NF1: variants seen among roughly 807,000 people sequenced by gnomAD.
NF1 encodes the protein neurofibromin 1, also known as neurofibromin.
A neutral mutation model predicts 325.7 loss-of-function variants in NF1; 122 were observed. The ratio of observed to expected loss-of-function variants is 0.37; its 90% CI spans 0.32 to 0.44. The LOEUF is 0.44. NF1 is among the 20% of genes least tolerant of loss of function. The probability of loss-of-function intolerance (pLI) is 1.00; values close to 1 mark genes in which losing one functional copy is unlikely to be tolerated. For missense variants in NF1, 2,140 were observed against 3,415.4 expected (o/e 0.63, Z 9.31); for synonymous variants, 1,091 against 1,186.0 (o/e 0.92, Z 1.65).
intron 36 of NF1, among the ~76,000 whole-genome samples, chr17:31,283,279 T>C (rs2068157985): frequency 6.6e-6 from 1 of 151,898 alleles, no homozygotes; most frequent in Non-Finnish European, 1.5e-5. Context: ...TAGCTGGTCG[T>C]GGTGGCGGGC....
At chr17:31,296,315 A>C (rs1472226505) in intron 36 of NF1, 2 of 1,614,038 alleles carry the variant, frequency 1.2e-6, no homozygotes, top group South Asian at 1.1e-5. Flanking sequence ...AGACATTTTC[A>C]ATATCTGATA....
chr17:31,300,207 A>ATT (rs1308131402), intron 36 of NF1, among the ~76,000 whole-genome samples: 1 of 152,022 alleles, frequency 6.6e-6, no homozygotes, highest in African/African-American at 2.4e-5. Flanking sequence ...ACAAGTCAAA[A>ATT]TTATATATAT....
In NF1 at chr17:31,249,019, G is replaced by T. The variant is rs1060500379; in HGVS notation, c.4010G>T (p.Arg1337Leu). 1 of 1,613,828 alleles carries T rather than the reference G, an allele frequency of 6.2e-7. No homozygotes were observed. The highest frequency in any genetic ancestry group is 8.5e-7 in the Non-Finnish European group (1 of 1,179,974). ...TCAGAGAGCCTTGAGGAAAACCAGC[G>T]GAACCTCCTTCAGATGACTGAAAAG... ...EPSESLEENQ[R>L]NLLQMTEKFF... is the part of the protein sequence containing the mutation. Residue 1337 changes from arginine (R) to leucine (L), a missense_variant, in exon 30 of 58, where the codon CGG (arginine) becomes CTG (leucine). Around this residue, in one of 10 missense-constraint regions of NF1, gnomAD observed 336 missense variants for 399.0 expected, o/e 0.84. Coordinates refer to ENST00000358273, the MANE Select transcript of NF1 (RefSeq NM_001042492.3).
chr17:31,131,030 A>T (rs1597596308), intron 1 of NF1, among the ~76,000 whole-genome samples: 1 of 152,056 alleles, frequency 6.6e-6, no homozygotes, highest in East Asian at 1.9e-4. Flanking sequence ...CCCATGAGAG[A>T]CCAGCAGACT....
chr17:31,320,961 G>A (rs985091367), intron 36 of NF1: 1 of 152,306 alleles, frequency 6.6e-6, no homozygotes, highest in African/African-American at 2.4e-5. Context: ...GCTTACCACG[G>A]AACAGATAAT....
At chr17:31,219,397 TATTAAATATTAAAAATACTA>T (rs1452617988) in intron 14 of NF1, 1 of 158,308 alleles carries the variant, frequency 6.3e-6, no homozygotes, top group Non-Finnish European at 1.4e-5. Context: ...AAAATATTAT[TATTAAATATTAAAAATACTA>T]ATTTTTAAAT....
Position 31,345,627 on chromosome 17 carries a change from G to A in NF1, c.7189+2492G>A, listed in dbSNP as rs551193798. The A allele has an allele frequency of 1.2e-4, 199 of 1,612,624 alleles. 1 individual carries two copies. The East Asian group carries it at 2.1e-3, about 17-fold the overall frequency. On this transcript the variant is annotated intron_variant, in intron 48 of 57. Coordinates refer to ENST00000358273, the MANE Select transcript of NF1 (RefSeq NM_001042492.3). ...CTTTGGTCTCCAGCATCTCTCCAGC[G>A]GCCACTTCTTGCGGGAGAACATCAA...
chr17:31,291,883 T>C (rs2068350238), intron 36 of NF1, among the ~76,000 whole-genome samples: 1 of 152,222 alleles, frequency 6.6e-6, no homozygotes. Flanking sequence ...ATTCCCTTGC[T>C]CTCAGTGTGT....
intron 36 of NF1, among the ~76,000 whole-genome samples, chr17:31,276,760 A>G (rs2068018497): frequency 6.6e-6 from 1 of 152,162 alleles, no homozygotes; most frequent in South Asian, 2.1e-4. Context: ...GCACAGCACC[A>G]TACCACTCTT....
Position 31,375,162 on chromosome 17 carries a change from G to A in NF1, c.*1007G>A, listed in dbSNP as rs980641769. 7 of 221,306 alleles carry A rather than the reference G, an allele frequency of 3.2e-5. No individual in the cohort carries two copies. The highest frequency in any genetic ancestry group is 9.0e-5 in the African/African-American group (4 of 44,674). 13.7% of individuals were successfully genotyped at this position (221,306 alleles called of 1,614,324 possible). ...GCTCCATAGCAAAATGGAATGGTAC[G>A]TGACATTTAGGGTAGCTGATATTTT... On this transcript the variant is annotated 3_prime_UTR_variant, in exon 58 of 58. Coordinates refer to ENST00000358273, the MANE Select transcript of NF1 (RefSeq NM_001042492.3).
At chr17:31,334,153 G>T (rs1252754342) in intron 39 of NF1, among the ~76,000 whole-genome samples, 2 of 152,104 alleles carry the variant, frequency 1.3e-5, no homozygotes, top group Non-Finnish European at 2.9e-5. Flanking sequence ...GCCGGGCGTG[G>T]TGGTGGGCGC....
At chr17:31,274,348 T>C (rs1021883148) in intron 36 of NF1, among the ~76,000 whole-genome samples, 2 of 152,196 alleles carry the variant, frequency 1.3e-5, no homozygotes, top group East Asian at 3.8e-4. Flanking sequence ...TTTCATCATA[T>C]TGGCCAGCAC....
At chr17:31,221,717 T>C in intron 14 of NF1, 133 bp from the exon 15 acceptor site, 1 of 676,940 alleles carries the variant, frequency 1.5e-6, no homozygotes, top group Non-Finnish European at 2.6e-6. Flanking sequence ...TTTTTACCTT[T>C]TACTATATAT....
Position 31,374,774 on chromosome 17 carries a change from G to T in NF1, c.*619G>T. ...CAGGGAAATTTCATATTTTATAGTG[G>T]ATTCTTAAGAAATACTAACACTTGA... On this transcript the variant is annotated 3_prime_UTR_variant, in exon 58 of 58. Coordinates refer to ENST00000358273, the MANE Select transcript of NF1 (RefSeq NM_001042492.3). The T allele has an allele frequency of 4.3e-6, 1 of 233,660 alleles. No individual in the cohort carries two copies. The highest frequency in any genetic ancestry group is 8.5e-6 in the Non-Finnish European group (1 of 118,194). The allele number at this position is 233,660 out of a possible 1,614,324, so 14.5% of individuals were successfully genotyped here.
At position 31,124,478 on chromosome 17, in the gene NF1, T is replaced by C. The variant is rs78571843; in HGVS notation, c.60+29109T>C. On this transcript the variant is annotated intron_variant, in intron 1 of 57. Coordinates refer to ENST00000358273, the MANE Select transcript of NF1 (RefSeq NM_001042492.3). Reference sequence around the variant, plus strand: ...ATTCTATTATCAGTATGTCAGTTTATCCATTTCTGGTATAGAGGAACACTT... The same window carrying C: ...ATTCTATTATCAGTATGTCAGTTTACCCATTTCTGGTATAGAGGAACACTT... Among the ~76,000 whole-genome samples the C allele has an allele frequency of 4.7e-3, 713 of 151,714 alleles. 7 individuals are homozygous for C. Among genetic ancestry groups the C allele is most frequent in the African/African-American group, 0.016 (682 of 41,458 alleles).
At chr17:31,327,106 T>C (rs988756359) in intron 37 of NF1, among the ~76,000 whole-genome samples, 1 of 151,678 alleles carries the variant, frequency 6.6e-6, no homozygotes, top group African/African-American at 2.4e-5. Flanking sequence ...GTAGCTGGGA[T>C]TATAGGCGCC....
At chr17:31,260,828 G>A (rs1233390179) in intron 34 of NF1, among the ~76,000 whole-genome samples, 2 of 151,958 alleles carry the variant, frequency 1.3e-5, no homozygotes, top group African/African-American at 4.8e-5. Context: ...GATTAGCGTT[G>A]GCATTTGACT....
chr17:31,265,134 A>G, intron 35 of NF1, 95 bp from the exon 36 acceptor site: 1 of 892,698 alleles, frequency 1.1e-6, no homozygotes, highest in Non-Finnish European at 1.7e-6. Flanking sequence ...ATATTTTTTC[A>G]TTTTAGTATT....
In NF1 at chr17:31,181,478, A is replaced by T. The variant is rs1331838002; in HGVS notation, c.643A>T (p.Ser215Cys). The stretch of plus-strand genomic sequence containing the variant: ...GGTTGCGCAGTTAGCAGTTATAAAT[A>T]GCCTGGAAAAGGTAAGTTACAACCT... ...KKVAQLAVINSLEKAFWNWVE... is the reference protein window; with the variant it reads ...KKVAQLAVINCLEKAFWNWVE... Residue 215 changes from serine (S) to cysteine (C), a missense_variant, in exon 6 of 58, where the codon AGC becomes TGC. By Grantham distance (112) the Ser-to-Cys change is moderately radical. This residue lies in a region of NF1 where 246 missense variants were observed against 347.8 expected (regional missense o/e 0.71). Coordinates refer to ENST00000358273, the MANE Select transcript of NF1 (RefSeq NM_001042492.3). 2 of 1,613,562 alleles carry T rather than the reference A, an allele frequency of 1.2e-6. No individual in the cohort carries two copies. The highest frequency in any genetic ancestry group is 3.3e-5 in the Admixed American group (2 of 60,028).
Sources: gnomAD v4.1 joint callset for allele counts (sites outside exome capture counted in the v4.1 genomes callset) on GRCh38, gnomAD v4.1.1 for gene constraint, gnomAD v4.1.1 regional missense constraint, MANE v1.5 for transcripts, NCBI Gene and HGNC (gene_info 2026-07-23, HGNC 2026-07-21) for gene names.